DIP2C: variants seen among roughly 807,000 people sequenced by gnomAD.
DIP2C encodes the protein DIP2 acetate--CoA ligase C (putative), also known as disco-interacting protein 2 homolog C.
Under a neutral mutation model 192.4 loss-of-function variants are expected in DIP2C, and 33 were observed. The ratio of observed to expected loss-of-function variants is 0.17; its 90% CI spans 0.13 to 0.23. The LOEUF is 0.23. Among genes scored for constraint, DIP2C ranks in the 10% least tolerant of loss-of-function variants. The pLI is 1.00. For synonymous variants in DIP2C, 979 were observed against 864.1 expected (o/e 1.13, Z -2.33); for missense variants, 1,537 against 2,110.1 (o/e 0.73, Z 5.32).
intron 1 of DIP2C, among the ~76,000 whole-genome samples, chr10:607,115 G>A (rs947243040): frequency 6.6e-6 from 1 of 152,212 alleles, no homozygotes; most frequent in Admixed American, 6.5e-5. Flanking sequence ...CCTCGGTGGG[G>A]CTCTCCTGCC....
Position 684,453 on chromosome 10 carries a change from C to G in DIP2C, c.85+5041G>C, listed in dbSNP as rs185174488. Among the ~76,000 whole-genome samples the G allele has an allele frequency of 2.1e-3, 325 of 152,340 alleles. 1 individual carries two copies. Among genetic ancestry groups the G allele is most frequent in the Middle Eastern group, 6.8e-3 (2 of 294 alleles). ...CAGTTACAACAAACTGTCCGTGAGG[C>G]TCAATGAAGCTCAGCTTTCCCACGT... On this transcript the variant is annotated intron_variant, in intron 1 of 36. Coordinates refer to ENST00000280886, the MANE Select transcript of DIP2C (RefSeq NM_014974.3).
intron 32 of DIP2C, among the ~76,000 whole-genome samples, chr10:304,699 GCA>G (rs67764672): frequency 0.79 from 120,172 of 152,012 alleles, 48,837 homozygotes; most frequent in Non-Finnish European, 0.89. Flanking sequence ...CCACACACTA[GCA>G]CAAACTCATC....
In DIP2C at chr10:357,957, TGG is replaced by T. The variant is rs771453246; in HGVS notation, c.2795-22_2795-21del. On this transcript the variant is annotated intron_variant, in intron 22 of 36. Coordinates refer to ENST00000280886, the MANE Select transcript of DIP2C (RefSeq NM_014974.3). Reference sequence around the variant, plus strand: ...CGATTTCTAGAAAGAAACAGAGACATGGCCATGAGGAAACAAAAGAGAAATTC... The same window carrying T: ...CGATTTCTAGAAAGAAACAGAGACATCCATGAGGAAACAAAAGAGAAATTC... The T allele has an allele frequency of 6.3e-7, 1 of 1,582,560 alleles. No homozygotes were observed. The highest frequency in any genetic ancestry group is 1.1e-5 in the South Asian group (1 of 90,314).
chr10:427,159 T>G (rs1194788552), intron 4 of DIP2C, among the ~76,000 whole-genome samples: 5 of 152,236 alleles, frequency 3.3e-5, no homozygotes, highest in African/African-American at 1.2e-4. Context: ...GCTACGTTCC[T>G]TCTGGAGGCT....
In DIP2C at chr10:570,544, A is replaced by G. The variant is rs371867942; in HGVS notation, c.86-84014T>C. ...GAGGCCTGCGCTCTTCCATCCAGCC[A>G]GACATCACACTTCAGTACCTGCACC... On this transcript the variant is annotated intron_variant, in intron 1 of 36. Coordinates refer to ENST00000280886, the MANE Select transcript of DIP2C (RefSeq NM_014974.3). Among the ~76,000 whole-genome samples the G allele has an allele frequency of 5.0e-4, 76 of 152,260 alleles. 1 individual carries two copies. The highest frequency in any genetic ancestry group is 1.8e-3 in the African/African-American group (74 of 41,544).
chr10:444,966 G>GT (rs1267403424), intron 3 of DIP2C, among the ~76,000 whole-genome samples: 1 of 152,206 alleles, frequency 6.6e-6, no homozygotes, highest in African/African-American at 2.4e-5. Context: ...GGGCCATATG[G>GT]TAAATGTACA....
At chr10:534,013 AAG>A (rs1847561568) in intron 1 of DIP2C, among the ~76,000 whole-genome samples, 1 of 143,864 alleles carries the variant, frequency 7.0e-6, no homozygotes, top group Non-Finnish European at 1.5e-5. Flanking sequence ...AAAAAAAAAA[AAG>A]AGGAACGTTC....
At chr10:299,348 T>A (rs1031493397) in intron 32 of DIP2C, among the ~76,000 whole-genome samples, 4 of 152,260 alleles carry the variant, frequency 2.6e-5, no homozygotes, top group African/African-American at 9.6e-5. Context: ...CCGCCTTGAG[T>A]GCAGGGCTCA....
intron 1 of DIP2C, among the ~76,000 whole-genome samples, chr10:534,767 C>T (rs948452915): frequency 6.6e-6 from 1 of 151,138 alleles, no homozygotes; most frequent in African/African-American, 2.4e-5. Context: ...AGCTCCGCTT[C>T]CCGGGTTCAC....
chr10:634,940 G>A (rs920316316), intron 1 of DIP2C, among the ~76,000 whole-genome samples: 3 of 152,080 alleles, frequency 2.0e-5, no homozygotes, highest in African/African-American at 7.2e-5. Context: ...CAATTTTTCA[G>A]AATTTAAGAA....
At position 454,622 on chromosome 10, in the gene DIP2C, T is replaced by C. The variant is rs36040579; in HGVS notation, c.269-13626A>G. ...TTCGGGGATAAAAACATCAGCACCC[T>C]TCGAACCCCTCAGAGAAAGAGGTAG... On this transcript the variant is annotated intron_variant, in intron 3 of 36. Transcript: ENST00000280886. Among the ~76,000 whole-genome samples the C allele has an allele frequency of 6.0e-4, 60 of 100,400 alleles. No homozygotes were observed. The East Asian group carries it at 0.012, about 20-fold the overall frequency. The allele number at this position is 100,400 out of a possible 152,430, so 65.9% of individuals were successfully genotyped here.
chr10:663,078 C>A, intron 1 of DIP2C: 3 of 607,984 alleles, frequency 4.9e-6, no homozygotes, highest in South Asian at 2.1e-5. Context: ...CCCAGTGATA[C>A]CACTCTCCAG....
intron 1 of DIP2C, among the ~76,000 whole-genome samples, chr10:507,228 GCA>G (rs761729484): frequency 6.6e-6 from 1 of 151,850 alleles, no homozygotes; most frequent in African/African-American, 2.4e-5. Context: ...CACCCGCTGT[GCA>G]CAGAGGCGTG....
intron 9 of DIP2C, among the ~76,000 whole-genome samples, chr10:406,408 C>T (rs1360049592): frequency 6.6e-6 from 1 of 152,204 alleles, no homozygotes; most frequent in Non-Finnish European, 1.5e-5. Flanking sequence ...TCCCCCAGTC[C>T]CTGGCACCTA....
At chr10:456,374 G>A (rs12775307) in intron 3 of DIP2C, among the ~76,000 whole-genome samples, 326 of 75,116 alleles carry the variant, frequency 4.3e-3, no homozygotes, top group Middle Eastern at 0.022. Flanking sequence ...AATGAGATGA[G>A]AACACTCTGC....
intron 12 of DIP2C, 85 bp from the exon 13 acceptor site, chr10:390,178 A>T: frequency 6.3e-7 from 1 of 1,587,904 alleles, no homozygotes; most frequent in South Asian, 1.1e-5. Context: ...AAGTCCCTGA[A>T]TTTTGGCACT....
chr10:315,869 G>C (rs569491416), intron 31 of DIP2C, among the ~76,000 whole-genome samples: 1 of 152,046 alleles, frequency 6.6e-6, no homozygotes, highest in Non-Finnish European at 1.5e-5. Flanking sequence ...TTTTCTCCTT[G>C]TTTTATGCTT....
intron 1 of DIP2C, among the ~76,000 whole-genome samples, chr10:581,541 G>A (rs1850663826): frequency 6.6e-6 from 1 of 152,200 alleles, no homozygotes; most frequent in Non-Finnish European, 1.5e-5. Flanking sequence ...CAAGTATCTG[G>A]AAGATTTATA....
At chr10:618,513 T>C (rs1420828285) in intron 1 of DIP2C, among the ~76,000 whole-genome samples, 2 of 152,226 alleles carry the variant, frequency 1.3e-5, no homozygotes, top group Non-Finnish European at 2.9e-5. Flanking sequence ...GCGCCCACCA[T>C]GCTAAAAATA....
Sources: gnomAD v4.1 joint callset for allele counts (sites outside exome capture counted in the v4.1 genomes callset) on GRCh38, gnomAD v4.1.1 for gene constraint, MANE v1.5 for transcripts, NCBI Gene and HGNC (gene_info 2026-07-23, HGNC 2026-07-21) for gene names.